DLG2: variants seen among roughly 807,000 people sequenced by gnomAD.
DLG2 encodes discs large MAGUK scaffold protein 2, also known as disks large homolog 2.
Under a neutral mutation model 132.5 loss-of-function variants are expected in DLG2, and 45 were observed. That is an observed-to-expected ratio of 0.34 (90% confidence interval 0.27 to 0.44). The LOEUF is 0.44. Ranked by LOEUF, DLG2 falls within the 20% of genes least tolerant of loss-of-function variation. DLG2 has a pLI of 1.00. For missense variants in DLG2, 1,045 were observed against 1,196.9 expected (o/e 0.87, Z 1.87); for synonymous variants, 424 against 419.6 (o/e 1.01, Z -0.13).
intron 11 of DLG2, among the ~76,000 whole-genome samples, chr11:84,046,627 T>C (rs959533682): frequency 1.3e-5 from 2 of 151,604 alleles, no homozygotes; most frequent in African/African-American, 4.8e-5. Flanking sequence ...TTTTTACTCT[T>C]CTTTTTTCTT....
intron 6 of DLG2, among the ~76,000 whole-genome samples, chr11:84,983,971 G>A (rs1273989073): frequency 2.0e-5 from 3 of 152,084 alleles, no homozygotes; most frequent in Non-Finnish European, 2.9e-5. Context: ...ATTGAACAAA[G>A]CCTCCAAGAA....
At chr11:83,974,948 T>C (rs772101523) in intron 12 of DLG2, among the ~76,000 whole-genome samples, 1 of 152,050 alleles carries the variant, frequency 6.6e-6, no homozygotes, top group Non-Finnish European at 1.5e-5. Flanking sequence ...AAAAGTTCTC[T>C]CACTGACAAT....
In DLG2 at chr11:85,092,280, C is replaced by T. The variant is rs117015939; in HGVS notation, c.357+19381G>A. 3.5e-3 allele frequency among the ~76,000 whole-genome samples: 539 copies of T among 152,190 alleles called. 2 individuals carry two copies. Among genetic ancestry groups the T allele is most frequent in the Non-Finnish European group, 5.7e-3 (386 of 67,990 alleles). ...AATATTCAGAAAACCAGGTTTTGGTCATAATCCCAAAAGACACAATCTCAG... is the reference window on the plus strand; with the variant it reads ...AATATTCAGAAAACCAGGTTTTGGTTATAATCCCAAAAGACACAATCTCAG... On this transcript the variant is annotated intron_variant, in intron 6 of 27. Coordinates refer to ENST00000376104, the MANE Select transcript of DLG2 (RefSeq NM_001142699.3).
chr11:83,929,996 T>A (rs931070308), intron 15 of DLG2, among the ~76,000 whole-genome samples: 2 of 152,224 alleles, frequency 1.3e-5, no homozygotes, highest in African/African-American at 4.8e-5. Flanking sequence ...TTCTCTTTCA[T>A]CCTTCTGTAT....
chr11:84,995,361 C>A (rs2057531714), intron 6 of DLG2, among the ~76,000 whole-genome samples: 1 of 152,168 alleles, frequency 6.6e-6, no homozygotes, highest in African/African-American at 2.4e-5. Flanking sequence ...TTGGAGAAGT[C>A]ACTTCAGCTC....
intron 19 of DLG2, among the ~76,000 whole-genome samples, chr11:83,585,395 G>C (rs1432142660): frequency 6.6e-6 from 1 of 152,124 alleles, no homozygotes; most frequent in Non-Finnish European, 1.5e-5. Flanking sequence ...TAAAGAGATA[G>C]CTTGTGTAGC....
intron 7 of DLG2, among the ~76,000 whole-genome samples, chr11:84,418,073 G>T (rs1225562315): frequency 6.6e-6 from 1 of 152,134 alleles, no homozygotes; most frequent in Non-Finnish European, 1.5e-5. Context: ...ATATGAGTTT[G>T]CTCTTTGACC....
intron 6 of DLG2, among the ~76,000 whole-genome samples, chr11:84,536,099 G>A (rs970644242): frequency 2.0e-5 from 3 of 152,072 alleles, no homozygotes; most frequent in African/African-American, 7.2e-5. Context: ...TATACTTTCT[G>A]GGGCAAGGTA....
chr11:84,183,194 AC>A (rs1222135063), intron 8 of DLG2, among the ~76,000 whole-genome samples: 1 of 152,218 alleles, frequency 6.6e-6, no homozygotes, highest in Non-Finnish European at 1.5e-5. Flanking sequence ...ATCTACAATC[AC>A]TTCCAGAAAA....
chr11:85,171,968 A>T (rs190345869), intron 4 of DLG2, among the ~76,000 whole-genome samples: 3 of 152,212 alleles, frequency 2.0e-5, no homozygotes, highest in Admixed American at 6.5e-5. Flanking sequence ...CCCTAGGATG[A>T]AGCCCCAGGG....
intron 18 of DLG2, among the ~76,000 whole-genome samples, chr11:83,694,856 T>C (rs1030086159): frequency 2.0e-5 from 3 of 152,216 alleles, no homozygotes; most frequent in African/African-American, 7.2e-5. Context: ...ACAAGTTCTT[T>C]TCACCGAATA....
chr11:84,015,996 C>T (rs760240273), intron 11 of DLG2, among the ~76,000 whole-genome samples: 6 of 152,296 alleles, frequency 3.9e-5, no homozygotes, highest in East Asian at 1.9e-4. Flanking sequence ...TACACTCCCA[C>T]CAACAGTGTA....
intron 14 of DLG2, among the ~76,000 whole-genome samples, chr11:83,943,428 A>G (rs1336577222): frequency 2.0e-5 from 3 of 152,228 alleles, no homozygotes; most frequent in Non-Finnish European, 2.9e-5. Context: ...TTTCCTTATT[A>G]ATGAGCAACT....
rs141097825 is a variant in DLG2, at chr11:83,925,941, C to T, written c.1496+4387G>A. Among the ~76,000 whole-genome samples the T allele has an allele frequency of 2.2e-3, 341 of 152,150 alleles. 1 individual carries two copies. The highest frequency in any genetic ancestry group is 7.2e-3 in the African/African-American group (301 of 41,522). ...AGAGATGTACTAGATAAGCAGGAGT[C>T]CCATAGAAATCCTATTTGTTTTTCA... On this transcript the variant is annotated intron_variant, in intron 15 of 27. Coordinates refer to ENST00000376104, the MANE Select transcript of DLG2 (RefSeq NM_001142699.3).
chr11:85,595,280 T>G (rs1264605903), intron 3 of DLG2, among the ~76,000 whole-genome samples: 2 of 152,098 alleles, frequency 1.3e-5, no homozygotes, highest in Non-Finnish European at 1.5e-5. Flanking sequence ...ATTTTAGGTT[T>G]GTTTTGTTTT....
At chr11:84,726,135 C>T (rs2062423123) in intron 6 of DLG2, among the ~76,000 whole-genome samples, 1 of 152,078 alleles carries the variant, frequency 6.6e-6, no homozygotes, top group Non-Finnish European at 1.5e-5. Flanking sequence ...TATTATTATA[C>T]TTTAAGTTCT....
intron 5 of DLG2, among the ~76,000 whole-genome samples, chr11:85,137,026 A>T (rs2076180623): frequency 6.6e-6 from 1 of 152,018 alleles, no homozygotes. Flanking sequence ...ATAAAAATTT[A>T]AAAATAAATA....
intron 6 of DLG2, among the ~76,000 whole-genome samples, chr11:84,816,601 T>A (rs1598776042): frequency 6.6e-6 from 1 of 152,008 alleles, no homozygotes; most frequent in East Asian, 2.0e-4. Context: ...ATATACAGAA[T>A]CTCTAATTCA....
intron 4 of DLG2, among the ~76,000 whole-genome samples, chr11:85,250,272 A>C (rs181625768): frequency 2.6e-5 from 4 of 152,232 alleles, no homozygotes; most frequent in Admixed American, 6.5e-5. Context: ...CAAATAATTA[A>C]CTATATATCA....
Sources: gnomAD v4.1 joint callset for allele counts (sites outside exome capture counted in the v4.1 genomes callset) on GRCh38, gnomAD v4.1.1 for gene constraint, MANE v1.5 for transcripts, NCBI Gene and HGNC (gene_info 2026-07-23, HGNC 2026-07-21) for gene names.